The following LUZP2 variants were observed in gnomAD, a reference collection of about 807,000 sequenced individuals.
LUZP2 encodes leucine zipper protein 2.
Under a neutral mutation model 51.6 loss-of-function variants are expected in LUZP2, and 52 were observed. The observed-to-expected ratio is 1.01, with a 90% CI of 0.81 to 1.27. LUZP2 has a LOEUF of 1.27. Among genes scored for constraint, LUZP2 ranks in the 50% most tolerant of loss-of-function variants. The pLI is 0.00. For synonymous variants in LUZP2, 154 were observed against 137.3 expected (o/e 1.12, Z -0.85); for missense variants, 436 against 395.4 (o/e 1.10, Z -0.87).
chr11:24,974,322 T>C (rs1207546866), intron 7 of LUZP2, among the ~76,000 whole-genome samples: 1 of 152,122 alleles, frequency 6.6e-6, no homozygotes, highest in Non-Finnish European at 1.5e-5. Context: ...TGAACCTATG[T>C]GTGTCTTTGC....
At chr11:24,874,118 C>A (rs553377816) in intron 5 of LUZP2, among the ~76,000 whole-genome samples, 1 of 152,114 alleles carries the variant, frequency 6.6e-6, no homozygotes, top group Non-Finnish European at 1.5e-5. Context: ...CTTGTGTGTG[C>A]GTAAGACTCA....
intron 5 of LUZP2, among the ~76,000 whole-genome samples, chr11:24,877,770 AG>A (rs1466038257): frequency 6.6e-6 from 1 of 152,098 alleles, no homozygotes; most frequent in Non-Finnish European, 1.5e-5. Context: ...TACTCTTCTC[AG>A]GCTGTGGTAA....
At chr11:24,829,904 A>G (rs979075713) in intron 5 of LUZP2, among the ~76,000 whole-genome samples, 7 of 152,220 alleles carry the variant, frequency 4.6e-5, no homozygotes, top group African/African-American at 1.7e-4. Context: ...AGAAACTTGT[A>G]TCTAGTTTTA....
intron 5 of LUZP2, among the ~76,000 whole-genome samples, chr11:24,825,176 A>G (rs1850485625): frequency 6.6e-6 from 1 of 152,146 alleles, no homozygotes; most frequent in South Asian, 2.1e-4. Flanking sequence ...TTCTAATGTA[A>G]ATACTCAGGT....
intron 1 of LUZP2, among the ~76,000 whole-genome samples, chr11:24,665,064 G>A (rs1446980175): frequency 6.6e-6 from 1 of 152,168 alleles, no homozygotes; most frequent in African/African-American, 2.4e-5. Context: ...TGAGAAAGTA[G>A]CCAGGAGCAT....
chr11:24,528,283 TAA>T (rs1287178286), intron 1 of LUZP2, among the ~76,000 whole-genome samples: 2 of 151,190 alleles, frequency 1.3e-5, no homozygotes, highest in African/African-American at 2.4e-5. Flanking sequence ...AAAAAAAAGT[TAA>T]GTTTCCTTAC....
At chr11:24,882,586 A>AG (rs1852507068) in intron 5 of LUZP2, among the ~76,000 whole-genome samples, 2 of 152,040 alleles carry the variant, frequency 1.3e-5, no homozygotes, top group East Asian at 3.8e-4. Context: ...ACTAACATAA[A>AG]ATTCCTTGCT....
intron 5 of LUZP2, among the ~76,000 whole-genome samples, chr11:24,770,407 C>T (rs1265678164): frequency 6.6e-6 from 1 of 152,076 alleles, no homozygotes; most frequent in Non-Finnish European, 1.5e-5. Flanking sequence ...CAGTGGCATC[C>T]TTTTCCTTTT....
intron 1 of LUZP2, among the ~76,000 whole-genome samples, chr11:24,680,559 A>C (rs1380155385): frequency 6.6e-6 from 1 of 152,148 alleles, no homozygotes; most frequent in Non-Finnish European, 1.5e-5. Context: ...TGAGAGAAAG[A>C]TCTTCAGTTC....
intron 1 of LUZP2, among the ~76,000 whole-genome samples, chr11:24,704,856 T>A (rs1025017536): frequency 6.6e-6 from 1 of 152,142 alleles, no homozygotes; most frequent in South Asian, 2.1e-4. Context: ...TTATCTATAG[T>A]CCCAGGCTCT....
Position 24,963,048 on chromosome 11 carries a change from G to T in LUZP2, c.523-13543G>T, listed in dbSNP as rs187869717. Among the ~76,000 whole-genome samples the T allele has an allele frequency of 5.4e-3, 825 of 152,306 alleles. 5 individuals carry two copies. The highest frequency in any genetic ancestry group is 0.019 in the African/African-American group (787 of 41,568). On this transcript the variant is annotated intron_variant, in intron 7 of 11. Coordinates refer to ENST00000336930, the MANE Select transcript of LUZP2 (RefSeq NM_001009909.4). ...TCCACTCCAGACCCTGTTTGCCTGG[G>T]TATCAGCAGCGGTGTTTGCAGAACA... is the stretch of plus-strand genomic sequence containing the variant.
At chr11:24,963,217 C>G (rs58070060) in intron 7 of LUZP2, among the ~76,000 whole-genome samples, 6 of 152,150 alleles carry the variant, frequency 3.9e-5, no homozygotes, top group African/African-American at 1.2e-4. Context: ...TCAGGGGTCA[C>G]GGACCCACTT....
chr11:24,842,788 C>A (rs1227906571), intron 5 of LUZP2, among the ~76,000 whole-genome samples: 2 of 151,500 alleles, frequency 1.3e-5, no homozygotes, highest in Non-Finnish European at 2.9e-5. Flanking sequence ...GTTATAATAA[C>A]AATTCAGTGG....
At chr11:24,722,453 G>T (rs1858311958) in intron 1 of LUZP2, among the ~76,000 whole-genome samples, 1 of 152,094 alleles carries the variant, frequency 6.6e-6, no homozygotes, top group African/African-American at 2.4e-5. Context: ...CATGAGAACA[G>T]CATGGGAAAA....
intron 1 of LUZP2, among the ~76,000 whole-genome samples, chr11:24,672,859 G>T (rs756275253): frequency 6.6e-6 from 1 of 152,156 alleles, no homozygotes; most frequent in Non-Finnish European, 1.5e-5. Context: ...CCAATCCGTG[G>T]CCTGTTAGGA....
At chr11:24,955,328 G>A (rs1855184818) in intron 7 of LUZP2, among the ~76,000 whole-genome samples, 1 of 151,902 alleles carries the variant, frequency 6.6e-6, no homozygotes, top group African/African-American at 2.4e-5. Context: ...AAATGAAGGT[G>A]TGAGAGAAGG....
intron 5 of LUZP2, among the ~76,000 whole-genome samples, chr11:24,847,002 C>T (rs930656023): frequency 6.6e-6 from 1 of 151,684 alleles, no homozygotes; most frequent in Admixed American, 6.6e-5. Flanking sequence ...ACAACACTCT[C>T]TCCATATATA....
At chr11:24,504,917 G>C (rs1391937305) in intron 1 of LUZP2, among the ~76,000 whole-genome samples, 2 of 152,100 alleles carry the variant, frequency 1.3e-5, no homozygotes, top group Non-Finnish European at 2.9e-5. Context: ...TACCTGCAGA[G>C]AAAATGCTTT....
At chr11:24,760,083 T>C (rs1410331367) in intron 4 of LUZP2, among the ~76,000 whole-genome samples, 1 of 152,126 alleles carries the variant, frequency 6.6e-6, no homozygotes, top group African/African-American at 2.4e-5. Context: ...TTCCAGGTCA[T>C]AGTTGATTTC....
Sources: gnomAD v4.1 joint callset for allele counts (sites outside exome capture counted in the v4.1 genomes callset) on GRCh38, gnomAD v4.1.1 for gene constraint, MANE v1.5 for transcripts, NCBI Gene and HGNC (gene_info 2026-07-23, HGNC 2026-07-21) for gene names.